The following SNCAIP variants were observed in gnomAD, a reference collection of about 807,000 sequenced individuals.
SNCAIP encodes the protein synphilin-1.
Under a neutral mutation model 86.7 loss-of-function variants are expected in SNCAIP, and 43 were observed. The ratio of observed to expected loss-of-function variants is 0.50; its 90% CI spans 0.39 to 0.64. SNCAIP has a LOEUF of 0.64. Among genes scored for constraint, SNCAIP ranks in the 30% least tolerant of loss-of-function variants. SNCAIP has a pLI of 0.00. For synonymous variants in SNCAIP, 417 were observed against 427.2 expected (o/e 0.98, Z 0.29); for missense variants, 981 against 1,103.1 (o/e 0.89, Z 1.57).
chr5:122,453,064 A>G (rs1240567692), intron 10 of SNCAIP: 2 of 976,898 alleles, frequency 2.0e-6, no homozygotes, highest in East Asian at 2.7e-5. Flanking sequence ...GAGCTTTTAA[A>G]TCATGGACTT....
intron 6 of SNCAIP, among the ~76,000 whole-genome samples, chr5:122,439,612 C>G (rs1328927782): frequency 6.6e-6 from 1 of 152,016 alleles, no homozygotes; most frequent in Non-Finnish European, 1.5e-5. Context: ...CAAATTTAAT[C>G]CAGAAAAGTA....
chr5:122,419,237 G>C (rs963687791), intron 3 of SNCAIP, among the ~76,000 whole-genome samples: 4 of 152,130 alleles, frequency 2.6e-5, no homozygotes, highest in Non-Finnish European at 5.9e-5. Flanking sequence ...AAGGTGGAGA[G>C]AGATGAGGCA....
chr5:122,404,508 T>G (rs933250574), intron 3 of SNCAIP, among the ~76,000 whole-genome samples: 1 of 152,212 alleles, frequency 6.6e-6, no homozygotes, highest in African/African-American at 2.4e-5. Context: ...GCTTCTCTTC[T>G]TTTCCTTCTA....
chr5:122,430,502 A>T (rs1403470438), intron 5 of SNCAIP, among the ~76,000 whole-genome samples: 2 of 152,204 alleles, frequency 1.3e-5, no homozygotes, highest in Non-Finnish European at 2.9e-5. Flanking sequence ...AAAATTGAGT[A>T]TCGGATAGGT....
chr5:122,330,146 G>T (rs1754986644), intron 1 of SNCAIP, among the ~76,000 whole-genome samples: 1 of 85,148 alleles, frequency 1.2e-5, no homozygotes. Flanking sequence ...TTTTGAGACG[G>T]AGTCTCACTC....
At chr5:122,414,340 C>T (rs1738372368) in intron 3 of SNCAIP, among the ~76,000 whole-genome samples, 1 of 151,696 alleles carries the variant, frequency 6.6e-6, no homozygotes, top group African/African-American at 2.4e-5. Flanking sequence ...AAGCGATTCT[C>T]CTGCCTCAGC....
intron 1 of SNCAIP, among the ~76,000 whole-genome samples, chr5:122,352,865 A>G (rs1443807156): frequency 6.6e-6 from 1 of 152,192 alleles, no homozygotes. Flanking sequence ...TTGAATAAAA[A>G]AGAGAAGAAG....
intron 1 of SNCAIP, among the ~76,000 whole-genome samples, chr5:122,335,915 G>A (rs1376400674): frequency 2.6e-5 from 4 of 152,178 alleles, no homozygotes; most frequent in South Asian, 2.1e-4. Flanking sequence ...GGAGCTGGGC[G>A]AATATGTCCT....
At chr5:122,382,802 G>T (rs1358961492) in intron 1 of SNCAIP, among the ~76,000 whole-genome samples, 1 of 152,228 alleles carries the variant, frequency 6.6e-6, no homozygotes, top group Non-Finnish European at 1.5e-5. Flanking sequence ...ATACCCTGCC[G>T]TGTGAGGTGT....
chr5:122,427,099 G>A (rs1021811839), intron 5 of SNCAIP, among the ~76,000 whole-genome samples: 2 of 152,158 alleles, frequency 1.3e-5, no homozygotes, highest in Non-Finnish European at 2.9e-5. Context: ...TGCTGTTTTA[G>A]TGTTTATAAA....
At chr5:122,311,990 G>T (rs1214396523), upstream of SNCAIP, 1 of 147,992 alleles carries the variant, frequency 6.8e-6, no homozygotes, top group Non-Finnish European at 1.5e-5. Context: ...AGCCTCCGCA[G>T]TGGCAGTGGT....
At chr5:122,395,983 TG>T (rs1395637044) in intron 2 of SNCAIP, among the ~76,000 whole-genome samples, 1 of 151,850 alleles carries the variant, frequency 6.6e-6, no homozygotes, top group Non-Finnish European at 1.5e-5. Flanking sequence ...TGTCTCTGTC[TG>T]TAAGCCCTGC....
chr5:122,421,894 C>T (rs1018102635), intron 3 of SNCAIP, among the ~76,000 whole-genome samples: 1 of 151,458 alleles, frequency 6.6e-6, no homozygotes, highest in Non-Finnish European at 1.5e-5. Flanking sequence ...AGAGATGGCT[C>T]TTATCTTTCA....
At chr5:122,358,177 GTGTGTGTGTGTGTGTGTGTGTGTGTGTA>G (rs1761435515) in intron 1 of SNCAIP, among the ~76,000 whole-genome samples, 1 of 67,480 alleles carries the variant, frequency 1.5e-5, no homozygotes, top group African/African-American at 5.6e-5. Context: ...GTGTGTGTGT[GTGTGTGTGTGTGTGTGTGTGTGTGTGTA>G]TATATATATA....
At chr5:122,338,864 A>G (rs1757011436) in intron 1 of SNCAIP, among the ~76,000 whole-genome samples, 1 of 152,136 alleles carries the variant, frequency 6.6e-6, no homozygotes, top group Non-Finnish European at 1.5e-5. Flanking sequence ...TAGGGCTGTA[A>G]TTAATATATT....
At chr5:122,420,218 G>A (rs915567167) in intron 3 of SNCAIP, among the ~76,000 whole-genome samples, 7 of 152,170 alleles carry the variant, frequency 4.6e-5, no homozygotes, top group South Asian at 4.1e-4. Flanking sequence ...GTGAAAAGAC[G>A]TGTTTTCGTA....
chr5:122,450,979 T>C lies in SNCAIP; in HGVS notation c.2132T>C (p.Met711Thr). ...PQPIVESVES[M>T]DSAESLHLMI... is the part of the protein sequence containing the mutation. ...CCCATTGTAGAAAGCGTAGAGAGTA[T>C]GGACAGCGCAGAAAGCCTGCACCTG... Residue 711 changes from methionine to threonine, a missense_variant, in exon 10 of 11, where the codon ATG (methionine) becomes ACG (threonine). By Grantham distance (81) the Met-to-Thr change is moderately conservative (BLOSUM62 -1). Transcript: ENST00000261368. The C allele has an allele frequency of 1.9e-6, 3 of 1,614,020 alleles. No homozygotes were observed. Among genetic ancestry groups the C allele is most frequent in the Non-Finnish European group, 2.5e-6 (3 of 1,179,984 alleles).
chr5:122,324,082 G>A (rs562242787), intron 1 of SNCAIP, among the ~76,000 whole-genome samples: 1 of 151,984 alleles, frequency 6.6e-6, no homozygotes, highest in Non-Finnish European at 1.5e-5. Context: ...TCAAAAACAG[G>A]ACTAAGAAAA....
At chr5:122,448,648 ATTT>A (rs1216223450) in intron 8 of SNCAIP, among the ~76,000 whole-genome samples, 1 of 132,934 alleles carries the variant, frequency 7.5e-6, no homozygotes, top group African/African-American at 2.8e-5. Flanking sequence ...TGTTATATAT[ATTT>A]TTATATATAT....
Sources: allele counts gnomAD v4.1 joint callset (sites outside exome capture counted in the v4.1 genomes callset), GRCh38; gene constraint gnomAD v4.1.1; transcripts MANE v1.5; gene names NCBI Gene and HGNC (gene_info 2026-07-23, HGNC 2026-07-21).